Variants in ABTB3 observed in about 807,000 individuals in gnomAD.
The protein encoded by ABTB3 is ankyrin repeat and BTB domain containing 3.
chr12:107,496,633 G>T, the ABTB3 span, among the ~76,000 whole-genome samples: 57 of 152,306 alleles, frequency 3.7e-4, no homozygotes, highest in African/African-American at 1.3e-3. Flanking sequence ...CACCTTAGAA[G>T]AAGACGAAGA....
chr12:107,463,272 T>C, the ABTB3 span, among the ~76,000 whole-genome samples: 2 of 150,968 alleles, frequency 1.3e-5, no homozygotes, highest in African/African-American at 2.4e-5. Flanking sequence ...GTGATGATGA[T>C]AGAGTGACAG....
chr12:107,493,198 C>T, the ABTB3 span, among the ~76,000 whole-genome samples: 3 of 152,140 alleles, frequency 2.0e-5, no homozygotes, highest in Non-Finnish European at 4.4e-5. Flanking sequence ...ACTCAGGGTC[C>T]TTGCAGGGAA....
At chr12:107,485,273 A>G in the ABTB3 span, among the ~76,000 whole-genome samples, 4,590 of 152,192 alleles carry the variant, frequency 0.03, 183 homozygotes, top group African/African-American at 0.081. Flanking sequence ...AAAAAAACTA[A>G]TGGAAAATTG....
chr12:107,568,286 A>G, the ABTB3 span, among the ~76,000 whole-genome samples: 1 of 152,236 alleles, frequency 6.6e-6, no homozygotes. Flanking sequence ...CACAGGGCCT[A>G]GAATATTATA....
chr12:107,328,281 A>C, the ABTB3 span, among the ~76,000 whole-genome samples: 1 of 152,252 alleles, frequency 6.6e-6, no homozygotes, highest in Non-Finnish European at 1.5e-5. Context: ...GCCAGATTTG[A>C]ATTAGGCATT....
At chr12:107,567,270 A>G in the ABTB3 span, among the ~76,000 whole-genome samples, 1 of 152,366 alleles carries the variant, frequency 6.6e-6, no homozygotes, top group South Asian at 2.1e-4. Flanking sequence ...TATAGGAATC[A>G]TGACCTTTCT....
At chr12:107,547,014 C>A in the ABTB3 span, among the ~76,000 whole-genome samples, 1 of 152,080 alleles carries the variant, frequency 6.6e-6, no homozygotes, top group East Asian at 1.9e-4. Context: ...GGCAACATGG[C>A]AAGACCCCAT....
the ABTB3 span, among the ~76,000 whole-genome samples, chr12:107,517,639 G>A: frequency 6.6e-6 from 1 of 152,168 alleles, no homozygotes; most frequent in Admixed American, 6.5e-5. Flanking sequence ...AGTTGTGAAT[G>A]GGAGTTCACT....
the ABTB3 span, among the ~76,000 whole-genome samples, chr12:107,376,532 C>A: frequency 2.0e-5 from 3 of 152,134 alleles, no homozygotes; most frequent in African/African-American, 7.2e-5. Context: ...GGAAAGCAGA[C>A]CTGCAGCCAT....
the ABTB3 span, among the ~76,000 whole-genome samples, chr12:107,553,758 G>A: frequency 6.6e-6 from 1 of 152,184 alleles, no homozygotes; most frequent in Non-Finnish European, 1.5e-5. Flanking sequence ...GGCCAACATG[G>A]CAAAACCCCA....
chr12:107,539,772 G>A, the ABTB3 span, among the ~76,000 whole-genome samples: 1 of 152,156 alleles, frequency 6.6e-6, no homozygotes, highest in South Asian at 2.1e-4. Flanking sequence ...ATAACCACCT[G>A]AGAGGTGAAG....
the ABTB3 span, among the ~76,000 whole-genome samples, chr12:107,362,065 A>G: frequency 6.6e-6 from 1 of 152,182 alleles, no homozygotes; most frequent in African/African-American, 2.4e-5. Context: ...CAGCCTCCAG[A>G]ACTGTGAAAA....
At chr12:107,571,819 C>A in the ABTB3 span, among the ~76,000 whole-genome samples, 2 of 152,218 alleles carry the variant, frequency 1.3e-5, no homozygotes, top group Non-Finnish European at 2.9e-5. Context: ...CGGAGAGAGG[C>A]ACAGGCTGGC....
chr12:107,602,778 G>T, the ABTB3 span, among the ~76,000 whole-genome samples: 1 of 152,206 alleles, frequency 6.6e-6, no homozygotes, highest in Non-Finnish European at 1.5e-5. Flanking sequence ...TCAGCAGAAT[G>T]CATTAACTCC....
chr12:107,334,568 TAG>T, the ABTB3 span, among the ~76,000 whole-genome samples: 1 of 152,128 alleles, frequency 6.6e-6, no homozygotes. Context: ...AGGTATCTTT[TAG>T]GTGTCCAGGA....
chr12:107,642,262 G>A, the ABTB3 span: 18 of 1,200,470 alleles, frequency 1.5e-5, no homozygotes, highest in African/African-American at 2.3e-4. Flanking sequence ...TGGCCACTTG[G>A]AGAAGTCCTT....
the ABTB3 span, among the ~76,000 whole-genome samples, chr12:107,331,522 G>A: frequency 6.6e-6 from 1 of 152,160 alleles, no homozygotes; most frequent in Non-Finnish European, 1.5e-5. Flanking sequence ...CGGGGGGACC[G>A]GGGACACCAG....
chr12:107,469,866 T>TTTC, the ABTB3 span, among the ~76,000 whole-genome samples: 202 of 75,568 alleles, frequency 2.7e-3, 3 homozygotes, highest in East Asian at 0.019. Flanking sequence ...TCTTTCTTTC[T>TTTC]TTTCTTTCTT....
the ABTB3 span, chr12:107,615,186 C>T: frequency 1.3e-6 from 2 of 1,579,456 alleles, no homozygotes; most frequent in Non-Finnish European, 1.7e-6. Context: ...TCCCTATCCA[C>T]ATCTGACTTT....
Sources: allele counts gnomAD v4.1 joint callset (sites outside exome capture counted in the v4.1 genomes callset), GRCh38; gene constraint gnomAD v4.1.1; transcripts MANE v1.5; gene names NCBI Gene and HGNC (gene_info 2026-07-23, HGNC 2026-07-21).